Variants in AHI1 observed in about 807,000 individuals in gnomAD.
AHI1 encodes jouberin.
Under a neutral mutation model 149.3 loss-of-function variants are expected in AHI1, and 123 were observed. The observed-to-expected ratio is 0.82, with a 90% CI of 0.71 to 0.96. The LOEUF (loss-of-function observed/expected upper bound fraction) is 0.96, where lower values mean the gene tolerates loss of function less well. AHI1 is among the 40% of genes least tolerant of loss of function. The pLI is 0.00. For missense variants in AHI1, 1,439 were observed against 1,422.7 expected, an observed-to-expected ratio of 1.01 and a Z score of -0.18; for synonymous variants, 475 against 459.8, an observed-to-expected ratio of 1.03 and a Z score of -0.42.
chr6:135,420,890 T>C (rs977657190), intron 20 of AHI1, among the ~76,000 whole-genome samples: 4 of 152,196 alleles, frequency 2.6e-5, no homozygotes, highest in Non-Finnish European at 5.9e-5. Context: ...ATCTCAGCTT[T>C]CCCCATGCCT....
chr6:135,344,791 T>C (rs1790933061), intron 24 of AHI1, among the ~76,000 whole-genome samples: 2 of 151,704 alleles, frequency 1.3e-5, no homozygotes, highest in Admixed American at 1.3e-4. Context: ...TACAGGAGAA[T>C]CCATAAAGTG....
chr6:135,377,992 T>C (rs1776193743), intron 23 of AHI1, among the ~76,000 whole-genome samples: 2 of 152,174 alleles, frequency 1.3e-5, no homozygotes, highest in South Asian at 2.1e-4. Flanking sequence ...TAATGTTTTC[T>C]GGGAAAATTA....
intron 24 of AHI1, among the ~76,000 whole-genome samples, chr6:135,334,117 G>C (rs1354838248): frequency 6.6e-6 from 1 of 152,144 alleles, no homozygotes; most frequent in Non-Finnish European, 1.5e-5. Flanking sequence ...GACTTTCCAA[G>C]TTAGACTGAA....
chr6:135,321,281 GAAAA>G (rs767967288), intron 25 of AHI1, among the ~76,000 whole-genome samples: 7 of 150,600 alleles, frequency 4.6e-5, no homozygotes, highest in Non-Finnish European at 8.9e-5. Flanking sequence ...AAGAAAGAAA[GAAAA>G]AAAAAGTTAT....
At chr6:135,492,194 T>C (rs962076846) in intron 4 of AHI1, 34 bp downstream of exon 4, 3 of 1,457,898 alleles carry the variant, frequency 2.1e-6, no homozygotes, top group East Asian at 5.0e-5. Context: ...GTATAAAATA[T>C]AAATTTTATA....
At chr6:135,302,076 T>G in intron 26 of AHI1, 1 of 969,756 alleles carries the variant, frequency 1.0e-6, no homozygotes, top group Non-Finnish European at 1.2e-6. Context: ...ACTGCAGCCT[T>G]GAACTCCTGG....
chr6:135,388,059 A>T (rs776273631), intron 23 of AHI1: 1 of 1,612,592 alleles, frequency 6.2e-7, no homozygotes, highest in East Asian at 2.2e-5. Context: ...TTGTCGTTAA[A>T]AACTGCATAA....
chr6:135,336,245 T>A (rs1789368885), intron 24 of AHI1, among the ~76,000 whole-genome samples: 1 of 152,124 alleles, frequency 6.6e-6, no homozygotes, highest in Non-Finnish European at 1.5e-5. Context: ...AAATTCCTAT[T>A]GCCTTCTTAC....
intron 23 of AHI1, chr6:135,388,006 CAT>C: frequency 6.2e-7 from 1 of 1,613,700 alleles, no homozygotes; most frequent in South Asian, 1.1e-5. Context: ...CCATAATATA[CAT>C]GTGTTGAATT....
intron 23 of AHI1, among the ~76,000 whole-genome samples, chr6:135,368,794 T>G (rs184669147): frequency 6.6e-6 from 1 of 152,316 alleles, no homozygotes; most frequent in Admixed American, 6.5e-5. Context: ...GTGAGCAGGG[T>G]TGAGAACTTG....
chr6:135,353,817 TTAA>T (rs2128428986), intron 24 of AHI1, among the ~76,000 whole-genome samples: 1 of 152,260 alleles, frequency 6.6e-6, no homozygotes, highest in South Asian at 2.1e-4. Flanking sequence ...CTAACGCATA[TTAA>T]AGTTTACTAC....
intron 23 of AHI1, among the ~76,000 whole-genome samples, chr6:135,370,840 C>T (rs1774944446): frequency 2.6e-5 from 4 of 152,064 alleles, no homozygotes; most frequent in Admixed American, 2.6e-4. Context: ...AGTGGATACT[C>T]CTTTTTTTTC....
intron 23 of AHI1, among the ~76,000 whole-genome samples, chr6:135,383,356 T>G (rs917552181): frequency 6.6e-6 from 1 of 151,152 alleles, no homozygotes; most frequent in African/African-American, 2.4e-5. Flanking sequence ...CTCAGCCTTC[T>G]GAGTAGGTGG....
intron 8 of AHI1, among the ~76,000 whole-genome samples, chr6:135,458,358 C>G (rs1326046342): frequency 6.6e-6 from 1 of 152,092 alleles, no homozygotes; most frequent in Non-Finnish European, 1.5e-5. Context: ...TTCCACAGGA[C>G]TAAAATGATA....
At chr6:135,359,730 A>G (rs946214826) in intron 23 of AHI1, among the ~76,000 whole-genome samples, 2 of 152,216 alleles carry the variant, frequency 1.3e-5, no homozygotes, top group African/African-American at 4.8e-5. Flanking sequence ...ACGTCTTCTC[A>G]CTATTGTAAT....
chr6:135,286,585 A>AGG (rs1451961387), intron 28 of AHI1: 1 of 152,238 alleles, frequency 6.6e-6, no homozygotes, highest in Non-Finnish European at 1.5e-5. Context: ...CCATTCCTGA[A>AGG]GGGCTTTCCC....
At chr6:135,384,941 T>C (rs1777360542) in intron 23 of AHI1, among the ~76,000 whole-genome samples, 1 of 151,926 alleles carries the variant, frequency 6.6e-6, no homozygotes, top group Non-Finnish European at 1.5e-5. Flanking sequence ...ATAAGAAAAT[T>C]AGCTGGGCAT....
At chr6:135,341,994 T>C (rs543196924) in intron 24 of AHI1, among the ~76,000 whole-genome samples, 2 of 151,640 alleles carry the variant, frequency 1.3e-5, no homozygotes, top group South Asian at 4.2e-4. Flanking sequence ...AGAAAATTAG[T>C]GAAATAAAAA....
intron 5 of AHI1, among the ~76,000 whole-genome samples, chr6:135,482,893 G>GTTTTTTTTTT (rs1491384083): frequency 5.2e-4 from 3 of 5,786 alleles, no homozygotes; most frequent in African/African-American, 1.4e-3. Context: ...TCCATTTAAG[G>GTTTTTTTTTT]CTTTTTTTTT....
Sources: gnomAD v4.1 joint callset for allele counts (sites outside exome capture counted in the v4.1 genomes callset) on GRCh38, gnomAD v4.1.1 for gene constraint, MANE v1.5 for transcripts, NCBI Gene and HGNC (gene_info 2026-07-23, HGNC 2026-07-21) for gene names.